ANKRD30A: variants seen among roughly 807,000 people sequenced by gnomAD.
ANKRD30A encodes the protein ankyrin repeat domain 30A, also known as ankyrin repeat domain-containing protein 30A.
A neutral mutation model predicts 166.3 loss-of-function variants in ANKRD30A; 170 were observed. The observed-to-expected ratio is 1.02, with a 90% confidence interval of 0.90 to 1.16. The LOEUF (loss-of-function observed/expected upper bound fraction) is 1.16, where lower values mean the gene tolerates loss of function less well. Ranked by LOEUF, ANKRD30A falls within the 50% of genes most tolerant of loss-of-function variation. ANKRD30A has a pLI of 0.00. For missense variants in ANKRD30A, 1,630 were observed against 1,518.0 expected, an observed-to-expected ratio of 1.07 and a Z score of -1.23; for synonymous variants, 564 against 508.9, an observed-to-expected ratio of 1.11 and a Z score of -1.46.
intron 31 of ANKRD30A, among the ~76,000 whole-genome samples, chr10:37,209,815 T>G (rs1170558474): frequency 6.6e-6 from 1 of 152,074 alleles, no homozygotes; most frequent in Non-Finnish European, 1.5e-5. Flanking sequence ...TATTTTTTCT[T>G]GAGATATTAT....
intron 31 of ANKRD30A, among the ~76,000 whole-genome samples, chr10:37,212,506 T>C (rs1047244430): frequency 2.0e-5 from 3 of 152,138 alleles, no homozygotes; most frequent in Non-Finnish European, 4.4e-5. Context: ...CTTCACAGAA[T>C]TGGAAAAACT....
chr10:37,241,880 A>C, the ANKRD30A span: 2 of 152,168 alleles, frequency 1.3e-5, no homozygotes, highest in Admixed American at 6.5e-5. Context: ...TACTACAAAG[A>C]ACTTTCTTTC....
At chr10:37,153,725 G>C (rs1023619874) in intron 13 of ANKRD30A, 63 bp downstream of exon 13, 11 of 1,588,918 alleles carry the variant, frequency 6.9e-6, no homozygotes, top group Non-Finnish European at 9.5e-6. Flanking sequence ...GATGAGGAGG[G>C]ATATCCTCTA....
At chr10:37,252,065 A>G in the ANKRD30A span, among the ~76,000 whole-genome samples, 1 of 152,192 alleles carries the variant, frequency 6.6e-6, no homozygotes, top group Admixed American at 6.5e-5. Flanking sequence ...CCTGTCAAGC[A>G]TAGTCGAGCA....
chr10:37,183,049 T>G (rs1840138604), intron 24 of ANKRD30A, among the ~76,000 whole-genome samples: 1 of 149,770 alleles, frequency 6.7e-6, no homozygotes, highest in Non-Finnish European at 1.5e-5. Flanking sequence ...AAAACACATT[T>G]AATTAGACTG....
chr10:37,219,696 C>G lies in ANKRD30A; in HGVS notation c.3984C>G (p.Ser1328Arg). ...ATCAGAAATTATTTCAACTACAAAG[C>G]AAAAATATGTGGCTTCAACAGCAAT... ...SLDQKLFQLQSKNMWLQQQLV... is the reference protein window; with the variant it reads ...SLDQKLFQLQRKNMWLQQQLV... Residue 1328 changes from serine to arginine, a missense_variant, in exon 34 of 36, where the codon AGC becomes AGG. By Grantham distance (110) the Ser-to-Arg change is moderately radical. This residue lies in a region of ANKRD30A where 712 missense variants were observed against 629.3 expected (regional missense o/e 1.13). Transcript: ENST00000361713. The G allele has an allele frequency of 6.2e-7, 1 of 1,608,868 alleles. No homozygotes were observed.
the ANKRD30A span, among the ~76,000 whole-genome samples, chr10:37,261,555 T>G: frequency 6.6e-6 from 1 of 152,242 alleles, no homozygotes; most frequent in Admixed American, 6.5e-5. Context: ...AATAATTTCT[T>G]ATTCCTTATC....
chr10:37,194,931 C>T (rs1216074553), intron 27 of ANKRD30A, among the ~76,000 whole-genome samples: 2 of 152,070 alleles, frequency 1.3e-5, no homozygotes, highest in Non-Finnish European at 2.9e-5. Context: ...TTAAAATACA[C>T]GAATTGGAAA....
chr10:37,210,674 T>C (rs1205019012), intron 31 of ANKRD30A, among the ~76,000 whole-genome samples: 1 of 152,208 alleles, frequency 6.6e-6, no homozygotes, highest in Admixed American at 6.5e-5. Context: ...TGGCGTGAGA[T>C]GATATCTTAT....
intron 9 of ANKRD30A, among the ~76,000 whole-genome samples, chr10:37,147,712 G>A (rs1488260068): frequency 7.7e-6 from 1 of 129,520 alleles, no homozygotes; most frequent in Admixed American, 8.0e-5. Flanking sequence ...AAACAAGTAA[G>A]GGAAAAGGAG....
At chr10:37,128,671 C>G (rs573959972) in intron 1 of ANKRD30A, among the ~76,000 whole-genome samples, 2 of 151,950 alleles carry the variant, frequency 1.3e-5, no homozygotes, top group Non-Finnish European at 2.9e-5. Flanking sequence ...AGCTGAATGC[C>G]TATTGTGTAA....
At chr10:37,261,029 C>A in the ANKRD30A span, among the ~76,000 whole-genome samples, 1 of 151,928 alleles carries the variant, frequency 6.6e-6, no homozygotes, top group Non-Finnish European at 1.5e-5. Flanking sequence ...ACTTTACCCC[C>A]AAATGTAAAA....
At chr10:37,202,552 A>G (rs1841709441) in intron 31 of ANKRD30A, among the ~76,000 whole-genome samples, 1 of 152,218 alleles carries the variant, frequency 6.6e-6, no homozygotes, top group Admixed American at 6.5e-5. Flanking sequence ...TCTAAAATTG[A>G]TACACTAACA....
rs1266939239 is a variant in ANKRD30A at position 37,231,484 on chromosome 10, G to A, written c.*15G>A. 6.3e-7 allele frequency: 1 copy of A among 1,582,742 alleles called. No homozygotes were observed. Among genetic ancestry groups the A allele is most frequent in the African/African-American group, 1.4e-5 (1 of 73,564 alleles). On this transcript the variant is annotated 3_prime_UTR_variant, in exon 35 of 36. Transcript: ENST00000361713. The stretch of plus-strand genomic sequence containing the variant: ...AGAACTCATGAGAGACAAGCAGTAA[G>A]AAACTTCTTTTGGAGAAACAACAGA...
chr10:37,230,953 C>T (rs961304938), intron 34 of ANKRD30A, among the ~76,000 whole-genome samples: 1 of 152,090 alleles, frequency 6.6e-6, no homozygotes, highest in East Asian at 1.9e-4. Context: ...TTTGATCTCT[C>T]ACTCAGCTAT....
At chr10:37,252,056 C>G in the ANKRD30A span, among the ~76,000 whole-genome samples, 1 of 152,086 alleles carries the variant, frequency 6.6e-6, no homozygotes, top group Non-Finnish European at 1.5e-5. Context: ...ATCATGTGTC[C>G]TGTCAAGCAT....
intron 5 of ANKRD30A, chr10:37,135,102 T>C (rs1049294667): frequency 6.6e-6 from 1 of 152,218 alleles, no homozygotes; most frequent in African/African-American, 2.4e-5. Flanking sequence ...CTCAAGTTTT[T>C]AAAATATTTT....
At chr10:37,194,147 C>T (rs1178427926) in intron 27 of ANKRD30A, among the ~76,000 whole-genome samples, 1 of 151,860 alleles carries the variant, frequency 6.6e-6, no homozygotes, top group Non-Finnish European at 1.5e-5. Flanking sequence ...ATGAGCCGAG[C>T]TTGTGCCACT....
intron 1 of ANKRD30A, among the ~76,000 whole-genome samples, chr10:37,126,495 T>C (rs1388509225): frequency 6.6e-6 from 1 of 152,222 alleles, no homozygotes; most frequent in East Asian, 1.9e-4. Flanking sequence ...TGAATGTCTA[T>C]GTAAATATGT....
Sources: gnomAD v4.1 joint callset for allele counts (sites outside exome capture counted in the v4.1 genomes callset) on GRCh38, gnomAD v4.1.1 for gene constraint, gnomAD v4.1.1 regional missense constraint, MANE v1.5 for transcripts, NCBI Gene and HGNC (gene_info 2026-07-23, HGNC 2026-07-21) for gene names.